The following ADCY5 variants were observed in gnomAD, a reference collection of about 807,000 sequenced individuals.
ADCY5 encodes adenylate cyclase type 5.
Under a neutral mutation model 119.7 loss-of-function variants are expected in ADCY5, and 30 were observed. The ratio of observed to expected loss-of-function variants is 0.25; its 90% CI spans 0.19 to 0.34. The LOEUF is 0.34. ADCY5 is among the 10% of genes least tolerant of loss of function. ADCY5 has a pLI of 1.00. For missense variants in ADCY5, 1,324 were observed against 1,775.2 expected (o/e 0.75, Z 4.57); for synonymous variants, 753 against 762.2 (o/e 0.99, Z 0.20).
intron 1 of ADCY5, among the ~76,000 whole-genome samples, chr3:123,399,758 A>C (rs967572168): frequency 2.0e-5 from 3 of 152,192 alleles, no homozygotes; most frequent in African/African-American, 7.2e-5. Flanking sequence ...TGAATCTTTC[A>C]TCCCAGGAAC....
intron 1 of ADCY5, among the ~76,000 whole-genome samples, chr3:123,387,282 C>T (rs6800468): frequency 1.3e-5 from 2 of 151,970 alleles, no homozygotes; most frequent in African/African-American, 4.8e-5. Flanking sequence ...CTTTTTAATA[C>T]ATTTACCTCC....
At chr3:123,308,322 C>T (rs1940325157) in intron 12 of ADCY5, among the ~76,000 whole-genome samples, 1 of 150,974 alleles carries the variant, frequency 6.6e-6, no homozygotes, top group Non-Finnish European at 1.5e-5. Flanking sequence ...CAGGCGTGAG[C>T]CACTGCACCC....
At chr3:123,388,594 G>C (rs1944305548) in intron 1 of ADCY5, among the ~76,000 whole-genome samples, 1 of 152,054 alleles carries the variant, frequency 6.6e-6, no homozygotes, top group African/African-American at 2.4e-5. Context: ...TCACAGAGAT[G>C]GACAAAATGA....
intron 1 of ADCY5, among the ~76,000 whole-genome samples, chr3:123,379,955 CAGATAAAATACAA>C (rs1358702532): frequency 6.6e-6 from 1 of 152,166 alleles, no homozygotes; most frequent in Admixed American, 6.5e-5. Context: ...CAAGGAGACG[CAGATAAAATACAA>C]AGGCAGGGTC....
At chr3:123,406,998 G>A (rs1056796688) in intron 1 of ADCY5, among the ~76,000 whole-genome samples, 5 of 152,094 alleles carry the variant, frequency 3.3e-5, no homozygotes, top group Admixed American at 6.5e-5. Context: ...AAAATGCCTC[G>A]CTTTGAAACC....
intron 1 of ADCY5, among the ~76,000 whole-genome samples, chr3:123,422,090 A>T (rs879716058): frequency 1.3e-5 from 2 of 152,226 alleles, no homozygotes; most frequent in Admixed American, 1.3e-4. Context: ...TTTACTAGGA[A>T]GCAAAAAACT....
chr3:123,403,782 G>A (rs542445054), intron 1 of ADCY5, among the ~76,000 whole-genome samples: 5 of 152,122 alleles, frequency 3.3e-5, no homozygotes, highest in East Asian at 1.9e-4. Flanking sequence ...TCACACATCC[G>A]CCCTGCATGG....
At chr3:123,317,727 G>A (rs1246652153) in intron 11 of ADCY5, among the ~76,000 whole-genome samples, 1 of 147,684 alleles carries the variant, frequency 6.8e-6, no homozygotes, top group Non-Finnish European at 1.5e-5. Flanking sequence ...AGAGCGAGAC[G>A]CTGTGTCCCC....
chr3:123,399,876 A>G (rs1033870458), intron 1 of ADCY5, among the ~76,000 whole-genome samples: 2 of 152,176 alleles, frequency 1.3e-5, no homozygotes, highest in African/African-American at 4.8e-5. Flanking sequence ...TGGAACATGC[A>G]AGTCGGGAAT....
intron 1 of ADCY5, among the ~76,000 whole-genome samples, chr3:123,396,207 G>T (rs1353035898): frequency 2.4e-5 from 3 of 126,392 alleles, no homozygotes; most frequent in African/African-American, 8.8e-5. Flanking sequence ...AGGAAGAAAA[G>T]AAAGAGAAAG....
chr3:123,319,685 A>C lies in ADCY5; in HGVS notation c.2245T>G (p.Leu749Val), dbSNP rs751965085. The C allele has an allele frequency of 1.9e-6, 3 of 1,614,208 alleles. No individual in the cohort carries two copies. Among genetic ancestry groups the C allele is most frequent in the Non-Finnish European group, 2.5e-6 (3 of 1,180,044 alleles). ...KFLLTFREPDLEKKYSKQVDD... is the reference protein window; with the variant it reads ...KFLLTFREPDVEKKYSKQVDD... Reference sequence around the variant, plus strand: ...CCAGGGTGCTGTACCTTCTTCTCTAAGTCAGGCTCCCTGAAGGTCAGGAGG... The same window carrying C: ...CCAGGGTGCTGTACCTTCTTCTCTACGTCAGGCTCCCTGAAGGTCAGGAGG... Residue 749 changes from leucine (L) to valine (V), a missense_variant, in exon 10 of 21, where the codon TTA becomes GTA. Transcript: ENST00000462833.
chr3:123,432,615 C>T (rs1312146799), intron 1 of ADCY5, among the ~76,000 whole-genome samples: 8 of 152,148 alleles, frequency 5.3e-5, no homozygotes, highest in East Asian at 1.9e-4. Context: ...ACTACAGCCT[C>T]GACCTCCTGG....
At chr3:123,353,546 T>C (rs1223071073) in intron 1 of ADCY5, among the ~76,000 whole-genome samples, 2 of 152,010 alleles carry the variant, frequency 1.3e-5, no homozygotes, top group Non-Finnish European at 2.9e-5. Flanking sequence ...TGCACCTCAG[T>C]TACTCCCACC....
At position 123,447,950 on chromosome 3, in the gene ADCY5, G is replaced by C. The variant is rs558200846; in HGVS notation, c.596C>G (p.Pro199Arg). Residue 199 changes from proline to arginine, a missense_variant, in exon 1 of 21, where the codon CCC (proline) becomes CGC (arginine). Pro to Arg is a moderately radical substitution (Grantham distance 103). Coordinates refer to ENST00000462833, the MANE Select transcript of ADCY5 (RefSeq NM_183357.3). The stretch of plus-strand genomic sequence containing the variant: ...GGCGCCCAGGGACAGCACCGCGCCG[G>C]GCCCCGCGCCCGAGCCCGAGTCCGC... ...SSADSGSGAG[P>R]GAVLSLGACC... 6.5e-7 allele frequency: 1 copy of C among 1,536,022 alleles called. No homozygotes were observed. Among genetic ancestry groups the C allele is most frequent in the Non-Finnish European group, 8.8e-7 (1 of 1,141,154 alleles).
At chr3:123,331,073 A>C in intron 4 of ADCY5, 57 bp from the exon 5 acceptor site, 1 of 1,562,764 alleles carries the variant, frequency 6.4e-7, no homozygotes, top group Non-Finnish European at 8.7e-7. Flanking sequence ...AGTGGGAGGG[A>C]AAGAAACGAG....
intron 19 of ADCY5, chr3:123,287,011 G>T: frequency 1.6e-6 from 1 of 642,116 alleles, no homozygotes; most frequent in Non-Finnish European, 2.5e-6. Context: ...CAAGGAGCCT[G>T]CACCTGTGTC....
At chr3:123,323,974 C>T (rs1941351389) in intron 8 of ADCY5, among the ~76,000 whole-genome samples, 1 of 151,974 alleles carries the variant, frequency 6.6e-6, no homozygotes. Flanking sequence ...GCCAACTGCT[C>T]TTTGCTCAGG....
chr3:123,327,498 C>T (rs905643493), intron 7 of ADCY5, 120 bp downstream of exon 7: 9 of 1,101,720 alleles, frequency 8.2e-6, no homozygotes, highest in South Asian at 3.4e-5. Context: ...ATGCAGGAAC[C>T]GCAACTGCAT....
intron 1 of ADCY5, among the ~76,000 whole-genome samples, chr3:123,437,438 G>C (rs1339107001): frequency 1.3e-5 from 2 of 152,196 alleles, no homozygotes; most frequent in Non-Finnish European, 2.9e-5. Context: ...GGGGATATGG[G>C]CAGGGTGCTG....
Sources: gnomAD v4.1 joint callset for allele counts (sites outside exome capture counted in the v4.1 genomes callset) on GRCh38, gnomAD v4.1.1 for gene constraint, MANE v1.5 for transcripts, NCBI Gene and HGNC (gene_info 2026-07-23, HGNC 2026-07-21) for gene names.